Variants in COMMD7 observed in about 807,000 individuals in gnomAD.
COMMD7 encodes the protein COMM domain-containing protein 7.
In COMMD7, 28 loss-of-function variants were observed where a neutral mutation model predicts 34.8. That is an observed-to-expected ratio of 0.80 (90% CI 0.60 to 1.10). COMMD7 has a LOEUF of 1.10. Among genes scored for constraint, COMMD7 ranks in the 50% least tolerant of loss-of-function variants. COMMD7 has a pLI of 0.00. For missense variants in COMMD7, 211 were observed against 241.6 expected (o/e 0.87, Z 0.84); for synonymous variants, 80 against 86.4 (o/e 0.93, Z 0.41).
rs766010330 is a variant in COMMD7 at position 32,704,091 on chromosome 20, T to C, written c.478-20A>G. Reference sequence around the variant, plus strand: ...CTTTAGCTGATGAAAGAAAAAGAAATAATTTAAATTAAAATGATGACAACT... The same window carrying C: ...CTTTAGCTGATGAAAGAAAAAGAAACAATTTAAATTAAAATGATGACAACT... On this transcript the variant is annotated intron_variant, in intron 7 of 8. Transcript: ENST00000278980. The C allele has an allele frequency of 9.0e-6, 14 of 1,551,562 alleles. No homozygotes were observed. In the African/African-American group the frequency reaches 1.2e-4, roughly 14 times the overall value.
rs1171842234 is a variant in COMMD7, at chr20:32,703,441, A to G, written c.544T>C (p.Phe182Leu). The stretch of plus-strand genomic sequence containing the variant: ...TCCATCTCGTGCAGGAAGCTGTAGA[A>G]CTGAGGCAAGGTTAATTCTGGGGAG... ...NVYIELTLPQ[F>L]YSFLHEMERV... The change falls in exon 9 of 9, where the codon TTC becomes CTC. Residue 182 changes from phenylalanine (F) to leucine (L), a missense_variant. Coordinates refer to ENST00000278980, the MANE Select transcript of COMMD7 (RefSeq NM_053041.3). The G allele has an allele frequency of 6.2e-7, 1 of 1,613,870 alleles. No individual in the cohort carries two copies. The highest frequency in any genetic ancestry group is 1.3e-5 in the African/African-American group (1 of 74,910).
intron 1 of COMMD7, among the ~76,000 whole-genome samples, chr20:32,731,242 C>G (rs1985817105): frequency 6.6e-6 from 1 of 152,112 alleles, no homozygotes; most frequent in Non-Finnish European, 1.5e-5. Flanking sequence ...TGCTTCAGCC[C>G]AGGCATTCCA....
chr20:32,714,899 T>G (rs967764958), intron 3 of COMMD7, among the ~76,000 whole-genome samples: 1 of 149,278 alleles, frequency 6.7e-6, no homozygotes, highest in Non-Finnish European at 1.5e-5. Flanking sequence ...TCCCAGCTAC[T>G]CAGGAGGTTG....
intron 3 of COMMD7, among the ~76,000 whole-genome samples, chr20:32,718,027 T>G (rs1461472496): frequency 1.3e-5 from 2 of 150,190 alleles, no homozygotes; most frequent in Non-Finnish European, 3.0e-5. Context: ...AGGTGGAGGT[T>G]GCAGCGAGCC....
At chr20:32,728,570 T>C (rs1985659430) in intron 1 of COMMD7, among the ~76,000 whole-genome samples, 1 of 151,594 alleles carries the variant, frequency 6.6e-6, no homozygotes, top group Non-Finnish European at 1.5e-5. Context: ...CTTTCTTTTC[T>C]TTTTTTTTCT....
intron 3 of COMMD7, among the ~76,000 whole-genome samples, chr20:32,716,251 T>C (rs1479020550): frequency 1.3e-5 from 2 of 152,172 alleles, no homozygotes; most frequent in African/African-American, 2.4e-5. Context: ...AAGGGGGAAA[T>C]TCCTTTTTTT....
chr20:32,743,131 G>A (rs2145799093), intron 1 of COMMD7, among the ~76,000 whole-genome samples, 177 bp downstream of exon 1: 1 of 152,040 alleles, frequency 6.6e-6, no homozygotes, highest in Middle Eastern at 3.4e-3. Flanking sequence ...ACTCTCCTCA[G>A]ACCCCAGCTC....
At chr20:32,722,010 G>A (rs568576762) in intron 3 of COMMD7, among the ~76,000 whole-genome samples, 1 of 151,940 alleles carries the variant, frequency 6.6e-6, no homozygotes, top group Non-Finnish European at 1.5e-5. Flanking sequence ...GCAGTGAGCC[G>A]AGATCACGTC....
rs1443684094 is a variant in COMMD7, at chr20:32,707,223, G to T, written c.242-463C>A. Among the ~76,000 whole-genome samples the T allele has an allele frequency of 2.8e-4, 42 of 148,312 alleles. 1 individual carries two copies. Among genetic ancestry groups the T allele is most frequent in the Admixed American group, 2.2e-3 (33 of 14,936 alleles). ...GGCGTGAACCCGGGAGGCGGAGCTTGCAGTGAGCCGAGATCACGCCACTGC... is the reference window on the plus strand; with the variant it reads ...GGCGTGAACCCGGGAGGCGGAGCTTTCAGTGAGCCGAGATCACGCCACTGC... On this transcript the variant is annotated intron_variant, in intron 3 of 8. Coordinates refer to ENST00000278980, the MANE Select transcript of COMMD7 (RefSeq NM_053041.3).
At chr20:32,716,282 G>A (rs1347015472) in intron 3 of COMMD7, among the ~76,000 whole-genome samples, 1 of 152,144 alleles carries the variant, frequency 6.6e-6, no homozygotes, top group East Asian at 1.9e-4. Flanking sequence ...TAGACAACTA[G>A]GTATTCAGGA....
Position 32,704,428 on chromosome 20 carries a change from G to A in COMMD7, c.477+12C>T, listed in dbSNP as rs1555821923. 2 of 1,609,292 alleles carry A rather than the reference G, an allele frequency of 1.2e-6. No homozygotes were observed. Among genetic ancestry groups the A allele is most frequent in the South Asian group, 2.2e-5 (2 of 90,204 alleles). ...AAATCTACCCATTTTCAAGGATCAG[G>A]AGAAGACTTACTTGTAAAAATATAC... On this transcript the variant is annotated intron_variant, in intron 7 of 8. Coordinates refer to ENST00000278980, the MANE Select transcript of COMMD7 (RefSeq NM_053041.3).
Position 32,712,745 on chromosome 20 carries a change from G to A in COMMD7, c.242-5985C>T, listed in dbSNP as rs527270963. Among the ~76,000 whole-genome samples the A allele has an allele frequency of 2.4e-4, 31 of 129,208 alleles. 1 individual carries two copies. In the East Asian group the frequency reaches 4.1e-3, roughly 17 times the overall value. 84.8% of individuals were successfully genotyped at this position (129,208 alleles called of 152,430 possible). ...ATGGTCCCTTTTTTTTTTTTGACAC[G>A]GAGACTTTTTTTTTTTTTTTTTTCG... is the stretch of plus-strand genomic sequence containing the variant. On this transcript the variant is annotated intron_variant, in intron 3 of 8. Coordinates refer to ENST00000278980, the MANE Select transcript of COMMD7 (RefSeq NM_053041.3).
chr20:32,733,711 C>T (rs6058842), intron 1 of COMMD7, among the ~76,000 whole-genome samples: 36,248 of 127,706 alleles, frequency 0.28, 5,027 homozygotes, highest in Middle Eastern at 0.34. Context: ...GGCAAGACTC[C>T]ATCTCAAAAA....
chr20:32,728,466 ACACG>A lies in COMMD7; in HGVS notation c.85-328_85-325del, dbSNP rs1481600050. Among the ~76,000 whole-genome samples, 23 of 138,196 alleles carry A rather than the reference ACACG, an allele frequency of 1.7e-4. No individual in the cohort carries two copies. In the South Asian group the frequency reaches 4.8e-3, roughly 29 times the overall value. 90.7% of individuals were successfully genotyped at this position (138,196 alleles called of 152,430 possible). A position where few individuals can be genotyped will look rare whatever the true frequency, so the allele number is the denominator to read the frequency against. On this transcript the variant is annotated intron_variant, in intron 1 of 8. Coordinates refer to ENST00000278980, the MANE Select transcript of COMMD7 (RefSeq NM_053041.3). ...CAGACATACACACACACACACACAC[ACACG>A]CACGCACAAGGGGGAAATCATCAGA...
chr20:32,742,718 C>G (rs936785697), intron 1 of COMMD7, among the ~76,000 whole-genome samples: 1 of 152,138 alleles, frequency 6.6e-6, no homozygotes, highest in African/African-American at 2.4e-5. Flanking sequence ...TGTCCCAGAT[C>G]GAGCCCCTCA....
intron 1 of COMMD7, among the ~76,000 whole-genome samples, chr20:32,730,561 C>T (rs917639630): frequency 6.6e-6 from 1 of 150,570 alleles, no homozygotes; most frequent in Non-Finnish European, 1.5e-5. Flanking sequence ...TTTCAAAAAA[C>T]AACAACAACA....
chr20:32,743,177 C>G (rs1050090102), intron 1 of COMMD7, 131 bp downstream of exon 1: 2 of 745,180 alleles, frequency 2.7e-6, no homozygotes, highest in Non-Finnish European at 4.1e-6. Flanking sequence ...TCACACACCC[C>G]AAACGCCCAC....
At chr20:32,709,461 G>T (rs1984293082) in intron 3 of COMMD7, among the ~76,000 whole-genome samples, 1 of 151,612 alleles carries the variant, frequency 6.6e-6, no homozygotes. Context: ...TGAGGCAGGA[G>T]AATCATCTGA....
At chr20:32,710,583 G>T (rs1487996953) in intron 3 of COMMD7, among the ~76,000 whole-genome samples, 1 of 151,860 alleles carries the variant, frequency 6.6e-6, no homozygotes, top group African/African-American at 2.4e-5. Context: ...AAAAAAATTA[G>T]CAAGGTATAG....
Sources: gnomAD v4.1 joint callset for allele counts (sites outside exome capture counted in the v4.1 genomes callset) on GRCh38, gnomAD v4.1.1 for gene constraint, MANE v1.5 for transcripts, NCBI Gene and HGNC (gene_info 2026-07-23, HGNC 2026-07-21) for gene names.